The following SLC7A7 variants were observed in gnomAD, a reference collection of about 807,000 sequenced individuals.
The protein encoded by SLC7A7 is solute carrier family 7 member 7.
Under a neutral mutation model 47.9 loss-of-function variants are expected in SLC7A7, and 39 were observed. The ratio of observed to expected loss-of-function variants is 0.81; its 90% CI spans 0.63 to 1.06. The LOEUF is 1.06. Ranked by LOEUF, SLC7A7 falls within the 50% of genes least tolerant of loss-of-function variation. SLC7A7 has a pLI of 0.00. For missense variants in SLC7A7, 588 were observed against 632.0 expected (o/e 0.93, Z 0.75); for synonymous variants, 234 against 242.8 (o/e 0.96, Z 0.34).
chr14:22,815,489 AG>A, upstream of SLC7A7: 1 of 454,504 alleles, frequency 2.2e-6, no homozygotes. Flanking sequence ...GAGGTGAGGC[AG>A]CCCGCAAAGG....
Position 22,778,924 on chromosome 14 carries a change from A to ATGAG in SLC7A7, c.635_638dup (p.Phe214SerfsTer3), listed in dbSNP as rs769721689. 1 of 1,614,100 alleles carries ATGAG rather than the reference A, an allele frequency of 6.2e-7. No homozygotes were observed. The highest frequency in any genetic ancestry group is 8.5e-7 in the Non-Finnish European group (1 of 1,180,036). On this transcript the variant is annotated frameshift_variant, in exon 4 of 10. Coordinates refer to ENST00000674313, the MANE Select transcript of SLC7A7 (RefSeq NM_003982.4). LOFTEE classifies it high-confidence loss of function. ...ATGAACCCTCAAAGGAATTCTCAAAATGAGTAGAGGCTCCTGGAACCCAAG... is the reference window on the plus strand; with the variant it reads ...ATGAACCCTCAAAGGAATTCTCAAAATGAGTGAGTAGAGGCTCCTGGAACCCAAG...
At chr14:22,790,905 G>A (rs1372028708) in intron 2 of SLC7A7, among the ~76,000 whole-genome samples, 1 of 151,602 alleles carries the variant, frequency 6.6e-6, no homozygotes, top group Non-Finnish European at 1.5e-5. Context: ...GGCTGAGGCA[G>A]GAGAATCACT....
rs1566440886 is a variant in SLC7A7 at position 22,776,417 on chromosome 14, G to A, written c.771-99C>T. On this transcript the variant is annotated intron_variant, in intron 4 of 9. Transcript: ENST00000674313. ...TCCCTGCCACACCGGTCTTTCCAGG[G>A]ATGGAGACTGTTGCTACATTTCCTC... 5.4e-6 allele frequency: 8 copies of A among 1,482,244 alleles called. No homozygotes were observed. The South Asian group carries it at 5.7e-5, about 11-fold the overall frequency. The allele number at this position is 1,482,244 out of a possible 1,614,324, so 91.8% of individuals were successfully genotyped here.
rs558022540 is a variant in SLC7A7, at chr14:22,794,900, G to A, written c.500-14849C>T. 2.6e-5 allele frequency among the ~76,000 whole-genome samples: 4 copies of A among 152,118 alleles called. No individual in the cohort carries two copies. The South Asian group carries it at 8.3e-4, about 32-fold the overall frequency. ...GTGACTCTGAAGCATGGTGACAATTGAGAACGGCTTTTCCCACCTCTAGTG... is the reference window on the plus strand; with the variant it reads ...GTGACTCTGAAGCATGGTGACAATTAAGAACGGCTTTTCCCACCTCTAGTG... On this transcript the variant is annotated intron_variant, in intron 2 of 9. Coordinates refer to ENST00000674313, the MANE Select transcript of SLC7A7 (RefSeq NM_003982.4).
chr14:22,816,288 A>T, upstream of SLC7A7: 1 of 153,684 alleles, frequency 6.5e-6, no homozygotes, highest in Non-Finnish European at 1.5e-5. Flanking sequence ...TCAGGAGATC[A>T]AGACCATCCT....
intron 2 of SLC7A7, among the ~76,000 whole-genome samples, chr14:22,789,349 T>TGTAATCCCA (rs2038881992): frequency 6.6e-6 from 1 of 152,156 alleles, no homozygotes; most frequent in Non-Finnish European, 1.5e-5. Flanking sequence ...CCAGGCGCAG[T>TGTAATCCCA]GGCTCATGCC....
At chr14:22,818,044 C>A (rs1389012507), upstream of SLC7A7, among the ~76,000 whole-genome samples, 1 of 150,758 alleles carries the variant, frequency 6.6e-6, no homozygotes, top group Non-Finnish European at 1.5e-5. Flanking sequence ...AACACAAACA[C>A]ATCATCACGC....
chr14:22,793,699 C>G (rs1157341768), intron 2 of SLC7A7, among the ~76,000 whole-genome samples: 1 of 151,958 alleles, frequency 6.6e-6, no homozygotes. Flanking sequence ...ACCTGTAACC[C>G]CAGCTACTAG....
chr14:22,797,750 C>T (rs556712150), intron 2 of SLC7A7, among the ~76,000 whole-genome samples: 2 of 151,956 alleles, frequency 1.3e-5, no homozygotes, highest in African/African-American at 4.8e-5. Context: ...GTCAACCACC[C>T]GTATAAAAAA....
chr14:22,785,279 AAAAAT>A (rs1272332929), intron 2 of SLC7A7, among the ~76,000 whole-genome samples: 1 of 152,172 alleles, frequency 6.6e-6, no homozygotes, highest in Non-Finnish European at 1.5e-5. Context: ...CTCCATCTCA[AAAAAT>A]AAAATAAAAT....
chr14:22,802,280 G>A (rs1343745144), intron 2 of SLC7A7, among the ~76,000 whole-genome samples: 1 of 152,100 alleles, frequency 6.6e-6, no homozygotes, highest in East Asian at 1.9e-4. Flanking sequence ...ACATGCACCT[G>A]TAGTCCCAGC....
At chr14:22,775,625 G>A in intron 6 of SLC7A7, 85 bp from the exon 7 acceptor site, 2 of 1,145,094 alleles carry the variant, frequency 1.7e-6, no homozygotes, top group Non-Finnish European at 2.6e-6. Flanking sequence ...CTCCCTCTCT[G>A]CCATCCCTTC....
chr14:22,814,501 C>A lies in SLC7A7; in HGVS notation c.-43+819G>T, dbSNP rs573203538. On this transcript the variant is annotated intron_variant, in intron 1 of 9. Transcript: ENST00000674313. ...CTCTGTCTCAAAAAAAAAACAAAAT[C>A]AAAAACAAAACACTAAATGTTGGTT... Among the ~76,000 whole-genome samples the A allele has an allele frequency of 2.1e-4, 32 of 151,852 alleles. No homozygotes were observed. In the South Asian group the frequency reaches 5.8e-3, roughly 28 times the overall value.
chr14:22,784,873 C>T (rs752604310), intron 2 of SLC7A7, among the ~76,000 whole-genome samples: 2 of 152,192 alleles, frequency 1.3e-5, no homozygotes, highest in Non-Finnish European at 2.9e-5. Flanking sequence ...TGAAAAAGAA[C>T]ATTAAACCCA....
chr14:22,774,618 C>A (rs1462942648), intron 7 of SLC7A7, 115 bp from the exon 8 acceptor site: 2 of 1,399,676 alleles, frequency 1.4e-6, no homozygotes, highest in Middle Eastern at 2.2e-4. Flanking sequence ...TCTCCTGGTC[C>A]TCTTCTGGTT....
At chr14:22,789,599 G>A (rs1483685102) in intron 2 of SLC7A7, among the ~76,000 whole-genome samples, 2 of 145,598 alleles carry the variant, frequency 1.4e-5, no homozygotes, top group African/African-American at 5.1e-5. Flanking sequence ...CTGCACTTCA[G>A]CCTGGGCAAC....
intron 2 of SLC7A7, among the ~76,000 whole-genome samples, chr14:22,780,948 G>A (rs7151065): frequency 0.39 from 59,419 of 151,876 alleles, 11,722 homozygotes; most frequent in South Asian, 0.44. Flanking sequence ...ACTTGAAGAA[G>A]TTCAACAAGG....
intron 9 of SLC7A7, 30 bp downstream of exon 9, chr14:22,773,903 G>A (rs1229534273): frequency 1.2e-6 from 2 of 1,613,212 alleles, no homozygotes; most frequent in African/African-American, 2.7e-5. Flanking sequence ...CTCTGCAATA[G>A]CTGAGCGGAC....
In SLC7A7 at chr14:22,778,847, T is replaced by A; in HGVS notation, c.716A>T (p.Tyr239Phe). The A allele has an allele frequency of 6.2e-7, 1 of 1,614,148 alleles. No individual in the cohort carries two copies. The highest frequency in any genetic ancestry group is 1.1e-5 in the South Asian group (1 of 91,084). Residue 239 changes from tyrosine to phenylalanine, a missense_variant, in exon 4 of 10, where the codon TAC becomes TTC. Tyr to Phe is a conservative substitution (Grantham distance 22). Coordinates refer to ENST00000674313, the MANE Select transcript of SLC7A7 (RefSeq NM_003982.4). ...ATAGTTGAGGGTGTCCCAGCCTGAG[T>A]AGGAGAACAGAGCTGAGTACAGTGC... Reference protein sequence around the residue: ...ALALYSALFSYSGWDTLNYVT... With the variant: ...ALALYSALFSFSGWDTLNYVT...
Sources: gnomAD v4.1 joint callset for allele counts (sites outside exome capture counted in the v4.1 genomes callset) on GRCh38, gnomAD v4.1.1 for gene constraint, MANE v1.5 for transcripts, NCBI Gene and HGNC (gene_info 2026-07-23, HGNC 2026-07-21) for gene names.